The following CCDC88A variants were observed in gnomAD, a reference collection of about 807,000 sequenced individuals.
CCDC88A encodes coiled-coil and HOOK domain protein 88A, also known as girdin.
In CCDC88A, 54 loss-of-function variants were observed where a neutral mutation model predicts 234.3. The ratio of observed to expected loss-of-function variants is 0.23; its 90% CI spans 0.19 to 0.29. CCDC88A has a LOEUF of 0.29. CCDC88A is among the 10% of genes least tolerant of loss of function. CCDC88A has a pLI of 1.00. For synonymous variants in CCDC88A, 753 were observed against 737.8 expected, an observed-to-expected ratio of 1.02 and a Z score of -0.33; for missense variants, 1,832 against 2,123.4, an observed-to-expected ratio of 0.86 and a Z score of 2.70.
In CCDC88A at chr2:55,299,910, G is replaced by C; in HGVS notation, c.4754C>G (p.Pro1585Arg). The C allele has an allele frequency of 1.2e-6, 2 of 1,612,530 alleles. No homozygotes were observed. Among genetic ancestry groups the C allele is most frequent in the Non-Finnish European group, 1.7e-6 (2 of 1,178,786 alleles). ...STGSRVHASR[P>R]ASLDSGRTST... ...TGTTCTGCCACTATCAAGGCTGGCT[G>C]GTCTTGAAGCTAAATGAAAAAACCA... The change falls in exon 29 of 33, where the codon CCA becomes CGA. Residue 1585 changes from proline (P) to arginine (R), a missense_variant. Pro to Arg is a moderately radical substitution (Grantham distance 103, BLOSUM62 -2). Transcript: ENST00000436346.
chr2:55,401,434 C>CAAAAAAAAA lies in CCDC88A; in HGVS notation c.165-12557_165-12549dup, dbSNP rs1174693653. Among the ~76,000 whole-genome samples the CAAAAAAAAA allele has an allele frequency of 1.3e-4, 6 of 45,806 alleles. 2 individuals carry two copies. The highest frequency in any genetic ancestry group is 7.8e-4 in the Admixed American group (2 of 2,570). 30.1% of individuals were successfully genotyped at this position (45,806 alleles called of 152,430 possible). On this transcript the variant is annotated intron_variant, in intron 2 of 32. Transcript: ENST00000436346. The stretch of plus-strand genomic sequence containing the variant: ...GGATGACAGAGAAAGACTCTGTCTC[C>CAAAAAAAAA]AAAAAAAAAAAAAATATATATATAT...
chr2:55,292,678 T>C (rs1294187756), intron 31 of CCDC88A: 4 of 152,208 alleles, frequency 2.6e-5, no homozygotes, highest in Non-Finnish European at 5.9e-5. Context: ...TTGGCCAACA[T>C]GGTGAAACAC....
chr2:55,400,582 T>C (rs557309741), intron 2 of CCDC88A, among the ~76,000 whole-genome samples: 1 of 152,174 alleles, frequency 6.6e-6, no homozygotes, highest in Admixed American at 6.5e-5. Context: ...ATATAAAAAT[T>C]TGTAAATCAG....
chr2:55,309,250 T>C lies in CCDC88A; in HGVS notation c.4084A>G (p.Lys1362Glu). The change falls in exon 24 of 33, where the codon AAG becomes GAG. Residue 1362 changes from lysine to glutamate, a missense_variant. Lys to Glu is a moderately conservative substitution (Grantham distance 56, BLOSUM62 1). Transcript: ENST00000436346. The surrounding 1 kb of genome is among the most constrained non-coding windows in gnomAD (Gnocchi z 5.1). ...TTCTGACGTCTTAATTCATTTAACT[T>C]ATCACTATAAAATAAAAATTACCTT... ...FHVEQRQYID[K>E]LNELRRQKEK... 1 of 1,343,390 alleles carries C rather than the reference T, an allele frequency of 7.4e-7. No homozygotes were observed. Among genetic ancestry groups the C allele is most frequent in the Non-Finnish European group, 1.0e-6 (1 of 955,310 alleles). The allele number at this position is 1,343,390 out of a possible 1,614,324, so 83.2% of individuals were successfully genotyped here.
intron 7 of CCDC88A, among the ~76,000 whole-genome samples, chr2:55,361,262 T>C (rs990866897): frequency 1.3e-5 from 2 of 152,036 alleles, no homozygotes; most frequent in African/African-American, 2.4e-5. Context: ...TAAAAAAAGA[T>C]AGCATAGAGT....
chr2:55,331,576 A>T (rs1159420842), intron 16 of CCDC88A, among the ~76,000 whole-genome samples: 1 of 152,200 alleles, frequency 6.6e-6, no homozygotes, highest in South Asian at 2.1e-4. Context: ...AATCTAGTCT[A>T]CATAAAATAA....
intron 3 of CCDC88A, among the ~76,000 whole-genome samples, chr2:55,376,710 T>A (rs1673701004): frequency 6.6e-6 from 1 of 152,188 alleles, no homozygotes; most frequent in Non-Finnish European, 1.5e-5. Flanking sequence ...ATTCCAGAAA[T>A]GATATAGAGT....
chr2:55,390,713 A>G (rs1232961594), intron 2 of CCDC88A, among the ~76,000 whole-genome samples: 2 of 152,242 alleles, frequency 1.3e-5, no homozygotes, highest in Non-Finnish European at 2.9e-5. Context: ...GGGTAGCCCA[A>G]GTCTTGCTGA....
Position 55,385,592 on chromosome 2 carries a change from C to T in CCDC88A, c.273+3186G>A, listed in dbSNP as rs181812388. On this transcript the variant is annotated intron_variant, in intron 3 of 32. Coordinates refer to ENST00000436346, the MANE Select transcript of CCDC88A (RefSeq NM_001365480.1). ...GTCTAGCCGGGCGCGGTGGCTCACG[C>T]CTGTAATCTCAGCACTTTGGAAGGC... Among the ~76,000 whole-genome samples the T allele has an allele frequency of 3.4e-3, 511 of 152,204 alleles. 2 individuals carry two copies. Among genetic ancestry groups the T allele is most frequent in the Non-Finnish European group, 6.3e-3 (429 of 68,016 alleles).
intron 10 of CCDC88A, among the ~76,000 whole-genome samples, chr2:55,345,013 G>A (rs1200071538): frequency 6.6e-6 from 1 of 152,102 alleles, no homozygotes; most frequent in Non-Finnish European, 1.5e-5. Context: ...AATACACCTT[G>A]AGGAAATCCT....
Position 55,344,466 on chromosome 2 carries a change from C to G in CCDC88A, c.1090G>C (p.Glu364Gln). 1 of 1,578,680 alleles carries G rather than the reference C, an allele frequency of 6.3e-7. No homozygotes were observed. The highest frequency in any genetic ancestry group is 1.2e-5 in the South Asian group (1 of 85,588). Residue 364 changes from glutamate to glutamine, a missense_variant, in exon 11 of 33, where the codon GAA (glutamate) becomes CAA (glutamine). Glu to Gln is a conservative substitution (Grantham distance 29). Around this residue, in one of 6 missense-constraint regions of CCDC88A, gnomAD observed 1,282 missense variants for 1,543.6 expected, o/e 0.83. Coordinates refer to ENST00000436346, the MANE Select transcript of CCDC88A (RefSeq NM_001365480.1). ...GCACGAGTTCCCTCTAGTTGGTCTT[C>G]CAACATGGTTTTTGTTTCTAATAAA... ...QVLLETKTML[E>Q]DQLEGTRARS...
chr2:55,334,163 T>A lies in CCDC88A; in HGVS notation c.2658A>T (p.Leu886=). The change falls in exon 15 of 33, where the codon CTA becomes CTT. Residue 886 remains leucine, a synonymous_variant. Transcript: ENST00000436346. The surrounding 1 kb of genome is among the most constrained non-coding windows in gnomAD (Gnocchi z 6.1). ...YKESCVRLKE[L]EKENKELVKR... ...TCACAAGCTCCTTATTTTCTTTTTC[T>A]AGTTCTTTCAGACGGACACAAGATT... 1 of 1,357,218 alleles carries A rather than the reference T, an allele frequency of 7.4e-7. No homozygotes were observed. The highest frequency in any genetic ancestry group is 9.5e-7 in the Non-Finnish European group (1 of 1,050,490). 84.1% of individuals were successfully genotyped at this position (1,357,218 alleles called of 1,614,324 possible).
In CCDC88A at chr2:55,363,923, C is replaced by A. The variant is rs528531788; in HGVS notation, c.486+27G>T. 1.2e-4 allele frequency: 153 copies of A among 1,247,582 alleles called. 2 individuals are homozygous for A. In the South Asian group the frequency reaches 2.0e-3, roughly 16 times the overall value. The allele number at this position is 1,247,582 out of a possible 1,614,324, so 77.3% of individuals were successfully genotyped here. A position where few individuals can be genotyped will look rare whatever the true frequency, so the allele number is the denominator to read the frequency against. On this transcript the variant is annotated intron_variant, in intron 6 of 32. Coordinates refer to ENST00000436346, the MANE Select transcript of CCDC88A (RefSeq NM_001365480.1). ...AACACACCACAAGCTTCATAAATAG[C>A]ACGTAAAATTGTATATATGTCATTA...
At chr2:55,324,712 T>A (rs1206966768) in intron 17 of CCDC88A, among the ~76,000 whole-genome samples, 1 of 151,984 alleles carries the variant, frequency 6.6e-6, no homozygotes, top group Non-Finnish European at 1.5e-5. Context: ...GTGGTGCAAT[T>A]TCAGTTCACC....
Position 55,377,896 on chromosome 2 carries a change from G to A in CCDC88A, c.274-3013C>T, listed in dbSNP as rs546359462. Among the ~76,000 whole-genome samples the A allele has an allele frequency of 2.6e-5, 4 of 152,216 alleles. No homozygotes were observed. In the East Asian group the frequency reaches 7.7e-4, roughly 29 times the overall value. On this transcript the variant is annotated intron_variant, in intron 3 of 32. Coordinates refer to ENST00000436346, the MANE Select transcript of CCDC88A (RefSeq NM_001365480.1). Reference sequence around the variant, plus strand: ...GCTGAGATTACAGGTGTGAGCCACCGCACCGGGCCGGGAAGCTTTAAATTT... The same window carrying A: ...GCTGAGATTACAGGTGTGAGCCACCACACCGGGCCGGGAAGCTTTAAATTT...
chr2:55,375,469 CTATATATATATA>C (rs869279076), intron 3 of CCDC88A, among the ~76,000 whole-genome samples: 279 of 26,602 alleles, frequency 0.01, 4 homozygotes, highest in Middle Eastern at 0.023. Flanking sequence ...TGTCACTGTA[CTATATATATATA>C]TATATATATA....
intron 5 of CCDC88A, chr2:55,364,240 C>A (rs535146936): frequency 4.1e-4 from 161 of 390,324 alleles, no homozygotes; most frequent in Non-Finnish European, 6.4e-4. Context: ...AAAATCCATA[C>A]TATTTTTATG....
chr2:55,308,711 A>G (rs1267579576), intron 25 of CCDC88A, 98 bp downstream of exon 25: 1 of 797,854 alleles, frequency 1.3e-6, no homozygotes, highest in Non-Finnish European at 2.0e-6. Context: ...AAGAAATGCC[A>G]TTCATCAGAC....
At chr2:55,414,637 C>A (rs960280877) in intron 2 of CCDC88A, among the ~76,000 whole-genome samples, 4 of 152,184 alleles carry the variant, frequency 2.6e-5, no homozygotes, top group Non-Finnish European at 5.9e-5. Context: ...AATTGTGAGG[C>A]AGAGTCAGTA....
Sources: gnomAD v4.1 joint callset for allele counts (sites outside exome capture counted in the v4.1 genomes callset) on GRCh38, gnomAD v4.1.1 for gene constraint, gnomAD v4.1.1 regional missense constraint, Gnocchi (gnomAD v3.1) non-coding constraint, MANE v1.5 for transcripts, NCBI Gene and HGNC (gene_info 2026-07-23, HGNC 2026-07-21) for gene names.